Variants in OR2L13 observed in about 807,000 individuals in gnomAD.
The protein encoded by OR2L13 is olfactory receptor family 2 subfamily L member 13, also known as olfactory receptor 2L13.
A neutral mutation model predicts 15.3 loss-of-function variants in OR2L13; 14 were observed. The ratio of observed to expected loss-of-function variants is 0.91; its 90% CI spans 0.60 to 1.43. The LOEUF (loss-of-function observed/expected upper bound fraction) is 1.43. Among genes scored for constraint, OR2L13 ranks in the 40% most tolerant of loss-of-function variants. OR2L13 has a pLI of 0.00. For synonymous variants in OR2L13, 152 were observed against 142.9 expected, an observed-to-expected ratio of 1.06 and a Z score of -0.45; for missense variants, 367 against 387.9, an observed-to-expected ratio of 0.95 and a Z score of 0.45.
the OR2L13 span, among the ~76,000 whole-genome samples, chr1:247,998,782 A>G: frequency 6.6e-6 from 1 of 152,112 alleles, no homozygotes; most frequent in African/African-American, 2.4e-5. Flanking sequence ...TTTGTGCCAA[A>G]TTGTAGTGCT....
the OR2L13 span, among the ~76,000 whole-genome samples, chr1:248,019,643 A>T: frequency 6.6e-6 from 1 of 152,174 alleles, no homozygotes; most frequent in South Asian, 2.1e-4. Context: ...CCAACTGAGT[A>T]AACTCAGTTT....
At chr1:247,991,494 A>G in the OR2L13 span, among the ~76,000 whole-genome samples, 1 of 149,228 alleles carries the variant, frequency 6.7e-6, no homozygotes, top group Non-Finnish European at 1.5e-5. Flanking sequence ...GGAGCAGTCT[A>G]CTTGGCTTTA....
chr1:248,036,245 GT>G, the OR2L13 span, among the ~76,000 whole-genome samples: 149 of 150,650 alleles, frequency 9.9e-4, no homozygotes, highest in South Asian at 3.2e-3. Context: ...AATCTTTTCA[GT>G]TTTTTTTTCC....
At chr1:248,046,756 A>T in the OR2L13 span, 6 of 152,220 alleles carry the variant, frequency 3.9e-5, no homozygotes, top group Non-Finnish European at 7.3e-5. Flanking sequence ...GAAATCTCAC[A>T]TGCAGGGATG....
At chr1:248,063,140 A>C in the OR2L13 span, 1 of 152,224 alleles carries the variant, frequency 6.6e-6, no homozygotes, top group Admixed American at 6.5e-5. Context: ...GCAGAATGTC[A>C]TTGGTATTTT....
the OR2L13 span, chr1:248,084,600 T>C: frequency 1.9e-6 from 3 of 1,601,432 alleles, no homozygotes; most frequent in Non-Finnish European, 2.6e-6. Context: ...TCTCCATAAT[T>C]TCCCCTGGTG....
the OR2L13 span, chr1:248,060,621 C>T: frequency 4.8e-5 from 66 of 1,382,358 alleles, 1 homozygote; most frequent in East Asian, 9.2e-5. Flanking sequence ...CAGATAAAGA[C>T]GAATTTCTGT....
the OR2L13 span, chr1:248,023,054 A>G: frequency 5.0e-6 from 3 of 602,462 alleles, no homozygotes; most frequent in Non-Finnish European, 8.2e-6. Context: ...TAAGACATCT[A>G]TTTTGTTTCT....
At chr1:248,096,573 C>G (rs1380397670), upstream of OR2L13, among the ~76,000 whole-genome samples, 2 of 152,200 alleles carry the variant, frequency 1.3e-5, no homozygotes, top group African/African-American at 4.8e-5. Context: ...TAAGGACCTA[C>G]TATGTGCTGA....
At chr1:248,003,051 A>T in the OR2L13 span, 1 of 773,740 alleles carries the variant, frequency 1.3e-6, no homozygotes, top group Non-Finnish European at 2.2e-6. Flanking sequence ...CTATTCAGGG[A>T]TTGAAATTCT....
the OR2L13 span, among the ~76,000 whole-genome samples, chr1:247,948,374 G>A: frequency 1.3e-4 from 20 of 152,230 alleles, no homozygotes; most frequent in South Asian, 4.1e-4. Context: ...CTGAGTTTGC[G>A]TCAGGCAGTA....
chr1:248,058,064 G>T, the OR2L13 span, among the ~76,000 whole-genome samples: 2 of 152,086 alleles, frequency 1.3e-5, no homozygotes, highest in African/African-American at 4.8e-5. Flanking sequence ...AGTCAAAGCT[G>T]CCAGTCTTTC....
At chr1:247,987,627 A>T in the OR2L13 span, among the ~76,000 whole-genome samples, 1 of 152,152 alleles carries the variant, frequency 6.6e-6, no homozygotes, top group African/African-American at 2.4e-5. Flanking sequence ...CCCAAAGATA[A>T]GGACTTCAAA....
At chr1:247,981,059 T>C in the OR2L13 span, 14 of 152,250 alleles carry the variant, frequency 9.2e-5, no homozygotes, top group Non-Finnish European at 1.5e-5. Context: ...GACTGTACTT[T>C]CTGTTAACAA....
At chr1:248,097,818 C>T (rs1240240095) in intron 1 of OR2L13, among the ~76,000 whole-genome samples, 2 of 152,130 alleles carry the variant, frequency 1.3e-5, no homozygotes, top group Non-Finnish European at 2.9e-5. Context: ...AAGGCTTTTC[C>T]AATTTCCAGG....
upstream of OR2L13, among the ~76,000 whole-genome samples, chr1:248,093,182 G>A (rs556349164): frequency 6.6e-6 from 1 of 152,294 alleles, no homozygotes; most frequent in African/African-American, 2.4e-5. Flanking sequence ...TCTAAGAGAT[G>A]TGGAAGTGGG....
At chr1:248,048,681 A>AT in the OR2L13 span, among the ~76,000 whole-genome samples, 1 of 152,064 alleles carries the variant, frequency 6.6e-6, no homozygotes, top group African/African-American at 2.4e-5. Context: ...CTGTTCCACC[A>AT]TTTCCCAGCC....
the OR2L13 span, chr1:247,965,112 G>A: frequency 5.7e-5 from 19 of 334,936 alleles, no homozygotes; most frequent in South Asian, 1.4e-3. Flanking sequence ...GTTATCTCAT[G>A]TATGTTTGCA....
chr1:248,067,829 C>T, the OR2L13 span, among the ~76,000 whole-genome samples: 26 of 152,232 alleles, frequency 1.7e-4, 1 homozygote, highest in Admixed American at 1.6e-3. Context: ...AAAAACGGCG[C>T]GCCAGGAGGT....
Sources: gnomAD v4.1 joint callset for allele counts (sites outside exome capture counted in the v4.1 genomes callset) on GRCh38, gnomAD v4.1.1 for gene constraint, MANE v1.5 for transcripts, NCBI Gene and HGNC (gene_info 2026-07-23, HGNC 2026-07-21) for gene names.